The following CDH11 variants were observed in gnomAD, a reference collection of about 807,000 sequenced individuals.
CDH11 encodes cadherin-11.
CDH11 carries 11 observed loss-of-function variants against 67.8 expected under a neutral mutation model. The observed-to-expected ratio is 0.16, with a 90% CI of 0.10 to 0.27. The LOEUF is 0.27. CDH11 is among the 10% of genes least tolerant of loss of function. The pLI, the probability that CDH11 is intolerant of heterozygous loss-of-function variation, is 1.00. For missense variants in CDH11, 847 were observed against 1,031.2 expected, an observed-to-expected ratio of 0.82 and a Z score of 2.45; for synonymous variants, 419 against 400.0, an observed-to-expected ratio of 1.05 and a Z score of -0.57.
chr16:64,972,682 C>G (rs573707369), intron 9 of CDH11, among the ~76,000 whole-genome samples: 1 of 152,276 alleles, frequency 6.6e-6, no homozygotes, highest in African/African-American at 2.4e-5. Flanking sequence ...GCTACTGGCT[C>G]TCTTGCCAAG....
chr16:65,087,260 T>A (rs2074717196), intron 1 of CDH11, among the ~76,000 whole-genome samples: 1 of 152,166 alleles, frequency 6.6e-6, no homozygotes, highest in African/African-American at 2.4e-5. Context: ...GGGAATTTAG[T>A]CTAATTCTTC....
At chr16:65,076,825 A>G (rs2074518862) in intron 1 of CDH11, among the ~76,000 whole-genome samples, 1 of 152,078 alleles carries the variant, frequency 6.6e-6, no homozygotes, top group African/African-American at 2.4e-5. Flanking sequence ...GATGGTTTCC[A>G]GCTTAAACCA....
chr16:65,013,122 C>T (rs528883203), intron 2 of CDH11, among the ~76,000 whole-genome samples: 4 of 152,110 alleles, frequency 2.6e-5, no homozygotes, highest in South Asian at 2.1e-4. Context: ...TTTGCCTAGA[C>T]GGATGTTTTC....
intron 8 of CDH11, among the ~76,000 whole-genome samples, chr16:64,978,860 G>T (rs965441066): frequency 6.6e-6 from 1 of 151,680 alleles, no homozygotes; most frequent in Admixed American, 6.6e-5. Context: ...AATCATTCAT[G>T]ACTTTAGATT....
chr16:65,020,781 C>G (rs540696102), intron 2 of CDH11, among the ~76,000 whole-genome samples: 2 of 152,100 alleles, frequency 1.3e-5, no homozygotes, highest in African/African-American at 4.8e-5. Context: ...ATAAATAACA[C>G]ACACAACAAA....
At chr16:65,083,998 T>C (rs929462784) in intron 1 of CDH11, among the ~76,000 whole-genome samples, 14 of 152,148 alleles carry the variant, frequency 9.2e-5, no homozygotes, top group Admixed American at 5.9e-4. Flanking sequence ...GAGGAGGTGC[T>C]ACTGGCATCT....
chr16:64,987,366 G>A (rs1409596472), intron 7 of CDH11: 1 of 152,120 alleles, frequency 6.6e-6, no homozygotes, highest in Admixed American at 6.6e-5. Context: ...ATATGACAGT[G>A]ACTGGGTCAA....
intron 11 of CDH11, among the ~76,000 whole-genome samples, chr16:64,967,345 G>C (rs1472297543): frequency 6.6e-6 from 1 of 152,090 alleles, no homozygotes; most frequent in Non-Finnish European, 1.5e-5. Flanking sequence ...AGCCTCCCGA[G>C]TAGCTGGGGC....
Position 65,046,814 on chromosome 16 carries a change from T to C in CDH11, c.-173+6990A>G, listed in dbSNP as rs566930006. On this transcript the variant is annotated intron_variant, in intron 2 of 12. Transcript: ENST00000268603. ...GAAAAACTTAATACATTTTTCCTTT[T>C]AAAATTAAGGTGGCTGGGCGCGGTG... Among the ~76,000 whole-genome samples the C allele has an allele frequency of 2.4e-4, 36 of 152,242 alleles. No homozygotes were observed. The South Asian group carries it at 5.2e-3, about 22-fold the overall frequency.
At chr16:65,096,505 G>A (rs565397334) in intron 1 of CDH11, among the ~76,000 whole-genome samples, 8 of 147,440 alleles carry the variant, frequency 5.4e-5, no homozygotes, top group Non-Finnish European at 1.2e-4. Context: ...TTATATATGT[G>A]TATATATGCA....
intron 2 of CDH11, among the ~76,000 whole-genome samples, chr16:65,022,531 G>A (rs185472902): frequency 1.4e-4 from 21 of 152,264 alleles, no homozygotes; most frequent in African/African-American, 4.1e-4. Flanking sequence ...TGAGTCTAGC[G>A]AAAGCCCAGT....
intron 6 of CDH11, among the ~76,000 whole-genome samples, chr16:64,991,008 G>T (rs146822159): frequency 6.6e-6 from 1 of 152,204 alleles, no homozygotes; most frequent in Non-Finnish European, 1.5e-5. Flanking sequence ...TGAAAGGTGG[G>T]GTCTACATGA....
At position 65,115,725 on chromosome 16, in the gene CDH11, A is replaced by AC. The variant is rs1555530060; in HGVS notation, c.-298+6154_-298+6155insG. ...GCTACACCAAAAAAAAAAAAAACAA[A>AC]AAAACAAAACCTCAGTAATCAAAAT... is the stretch of plus-strand genomic sequence containing the variant. On this transcript the variant is annotated intron_variant, in intron 1 of 12. Coordinates refer to ENST00000268603, the MANE Select transcript of CDH11 (RefSeq NM_001797.4). Among the ~76,000 whole-genome samples the AC allele has an allele frequency of 2.7e-4, 36 of 134,426 alleles. No homozygotes were observed. In the East Asian group the frequency reaches 7.3e-3, roughly 27 times the overall value. The allele number at this position is 134,426 out of a possible 152,430, so 88.2% of individuals were successfully genotyped here.
intron 2 of CDH11, among the ~76,000 whole-genome samples, chr16:65,026,814 T>A (rs774772681): frequency 6.6e-6 from 1 of 152,190 alleles, no homozygotes. Flanking sequence ...ATTTTCCACA[T>A]TAGAACAAAA....
At chr16:64,983,258 T>A (rs540188520) in intron 7 of CDH11, 3 of 152,266 alleles carry the variant, frequency 2.0e-5, no homozygotes, top group East Asian at 3.9e-4. Context: ...AGCATTTGAA[T>A]GGCTGTAGTT....
At chr16:65,070,837 C>A (rs1390681951) in intron 1 of CDH11, among the ~76,000 whole-genome samples, 1 of 152,096 alleles carries the variant, frequency 6.6e-6, no homozygotes, top group Non-Finnish European at 1.5e-5. Flanking sequence ...ACTTTATAAA[C>A]ACAATTTGTT....
At chr16:65,040,795 C>T (rs1423367061) in intron 2 of CDH11, among the ~76,000 whole-genome samples, 2 of 152,120 alleles carry the variant, frequency 1.3e-5, no homozygotes, top group East Asian at 3.9e-4. Flanking sequence ...ATCATAAAGA[C>T]CATGCTTTTT....
At chr16:65,097,306 C>A (rs985876732) in intron 1 of CDH11, among the ~76,000 whole-genome samples, 5 of 152,162 alleles carry the variant, frequency 3.3e-5, no homozygotes, top group Admixed American at 6.5e-5. Flanking sequence ...CTGTTAGCCT[C>A]GATTTCCTCA....
At chr16:65,035,657 T>C (rs1364504970) in intron 2 of CDH11, among the ~76,000 whole-genome samples, 2 of 152,220 alleles carry the variant, frequency 1.3e-5, no homozygotes, top group South Asian at 2.1e-4. Context: ...GCAATCACAA[T>C]AATAATTCAT....
Sources: allele counts gnomAD v4.1 joint callset (sites outside exome capture counted in the v4.1 genomes callset), GRCh38; gene constraint gnomAD v4.1.1; transcripts MANE v1.5; gene names NCBI Gene and HGNC (gene_info 2026-07-23, HGNC 2026-07-21).